Variants in POLR1C observed in about 807,000 individuals in gnomAD.
POLR1C encodes the protein DNA-directed RNA polymerases I and III subunit RPAC1.
POLR1C carries 42 observed loss-of-function variants against 38.3 expected under a neutral mutation model. The observed-to-expected ratio is 1.10, with a 90% CI of 0.86 to 1.42. The LOEUF is 1.42. POLR1C is among the 40% of genes most tolerant of loss of function. The pLI is 0.00. For missense variants in POLR1C, 507 were observed against 450.5 expected, an observed-to-expected ratio of 1.13 and a Z score of -1.14; for synonymous variants, 163 against 163.9, an observed-to-expected ratio of 0.99 and a Z score of 0.04.
At chr6:43,535,663 A>C (rs1794269445) in intron 9 of POLR1C, among the ~76,000 whole-genome samples, 1 of 150,860 alleles carries the variant, frequency 6.6e-6, no homozygotes, top group Admixed American at 6.6e-5. Flanking sequence ...ACAAAAGCTA[A>C]ATTAGCCAGA....
downstream of POLR1C, among the ~76,000 whole-genome samples, chr6:43,530,118 G>A (rs566545904): frequency 4.6e-4 from 70 of 152,134 alleles, no homozygotes; most frequent in East Asian, 5.8e-3. Flanking sequence ...TTAGCTGGGC[G>A]TAGTAGCATG....
intron 8 of POLR1C, chr6:43,526,763 AG>A: frequency 6.2e-7 from 1 of 1,612,604 alleles, no homozygotes; most frequent in South Asian, 1.1e-5. Context: ...GCAAGAAAGC[AG>A]GGTTACTAGG....
chr6:43,560,040 A>G, intron 10 of POLR1C: 3 of 1,101,624 alleles, frequency 2.7e-6, no homozygotes, highest in Non-Finnish European at 2.5e-6. Context: ...GCTGGTCTCC[A>G]ACTCCTGGGC....
chr6:43,540,972 T>A (rs1582214572), intron 9 of POLR1C, among the ~76,000 whole-genome samples: 1 of 150,228 alleles, frequency 6.7e-6, no homozygotes, highest in Admixed American at 6.6e-5. Context: ...GCACTGGAGG[T>A]CATTATGCTA....
At chr6:43,539,894 C>T (rs1166533947) in intron 9 of POLR1C, among the ~76,000 whole-genome samples, 1 of 152,208 alleles carries the variant, frequency 6.6e-6, no homozygotes, top group Non-Finnish European at 1.5e-5. Context: ...GGTTTTCTAT[C>T]TTGTTGAGTT....
intron 8 of POLR1C, chr6:43,528,997 C>G (rs888529858): frequency 7.8e-6 from 11 of 1,415,378 alleles, no homozygotes; most frequent in Non-Finnish European, 8.7e-6. Flanking sequence ...GGGTTGCACC[C>G]CTGGGCAGAA....
chr6:43,561,285 T>C, intron 10 of POLR1C: 1 of 354,638 alleles, frequency 2.8e-6, no homozygotes, highest in South Asian at 4.4e-5. Flanking sequence ...TTTCAGAAAT[T>C]ACAGAAAGAA....
chr6:43,536,823 A>C (rs543339285), intron 9 of POLR1C, among the ~76,000 whole-genome samples: 38 of 151,012 alleles, frequency 2.5e-4, no homozygotes, highest in Non-Finnish European at 8.8e-5. Flanking sequence ...AAAACACCTG[A>C]AAATTTTTTC....
chr6:43,526,053 G>C, downstream of POLR1C: 1 of 903,880 alleles, frequency 1.1e-6, no homozygotes, highest in Non-Finnish European at 1.7e-6. Context: ...AGTACTAGGA[G>C]CCCTCCCACC....
intron 9 of POLR1C, among the ~76,000 whole-genome samples, chr6:43,543,270 TAGAG>T (rs1385371952): frequency 6.6e-6 from 1 of 152,018 alleles, no homozygotes; most frequent in Admixed American, 6.6e-5. Flanking sequence ...CTCAGCAACA[TAGAG>T]AGAACCTATC....
chr6:43,524,164 C>T (rs530463643), downstream of POLR1C, among the ~76,000 whole-genome samples: 8 of 152,068 alleles, frequency 5.3e-5, no homozygotes, highest in Middle Eastern at 3.2e-3. Flanking sequence ...CCAGCCTGAC[C>T]GACATGGAGA....
chr6:43,537,112 G>A (rs906208282), intron 9 of POLR1C, among the ~76,000 whole-genome samples: 1 of 151,110 alleles, frequency 6.6e-6, no homozygotes, highest in Non-Finnish European at 1.5e-5. Flanking sequence ...GACTATAAGT[G>A]TGCACCACCA....
downstream of POLR1C, chr6:43,524,989 T>G (rs1221715164): frequency 6.2e-7 from 1 of 1,610,954 alleles, no homozygotes; most frequent in South Asian, 1.1e-5. Context: ...AACTGTGCTT[T>G]AGGGCCACAG....
chr6:43,528,738 C>G, intron 8 of POLR1C: 1 of 1,265,400 alleles, frequency 7.9e-7, no homozygotes, highest in Non-Finnish European at 1.1e-6. Flanking sequence ...TAGTAGACAA[C>G]ACTTCTAGGA....
downstream of POLR1C, among the ~76,000 whole-genome samples, chr6:43,521,898 C>T (rs1582185488): frequency 6.6e-6 from 1 of 152,104 alleles, no homozygotes. Context: ...CACTCCAGCC[C>T]GGGTAACAGT....
downstream of POLR1C, among the ~76,000 whole-genome samples, chr6:43,534,552 G>A (rs1246500515): frequency 6.6e-6 from 1 of 152,208 alleles, no homozygotes; most frequent in Non-Finnish European, 1.5e-5. Flanking sequence ...AGCAAGGACT[G>A]TGAACTTGAT....
chr6:43,555,684 A>G, intron 10 of POLR1C: 1 of 888,296 alleles, frequency 1.1e-6, no homozygotes, highest in Non-Finnish European at 1.6e-6. Flanking sequence ...GTGTCAGCCA[A>G]TGAAAACGCT....
At chr6:43,537,705 C>G (rs1794422367) in intron 9 of POLR1C, among the ~76,000 whole-genome samples, 1 of 152,102 alleles carries the variant, frequency 6.6e-6, no homozygotes, top group Admixed American at 6.6e-5. Flanking sequence ...TCCAGAGATG[C>G]AATCATCAAA....
chr6:43,550,584 C>T (rs1052946301), intron 9 of POLR1C, among the ~76,000 whole-genome samples: 28 of 152,210 alleles, frequency 1.8e-4, no homozygotes, highest in Admixed American at 1.8e-3. Context: ...TTCAGTAAGA[C>T]TTCACTTTTA....
Sources: allele counts gnomAD v4.1 joint callset (sites outside exome capture counted in the v4.1 genomes callset), GRCh38; gene constraint gnomAD v4.1.1; transcripts MANE v1.5; gene names NCBI Gene and HGNC (gene_info 2026-07-23, HGNC 2026-07-21).